The following PPIL4 variants were observed in gnomAD, a reference collection of about 807,000 sequenced individuals.
PPIL4 encodes the protein peptidyl-prolyl cis-trans isomerase-like 4.
In PPIL4, 50 loss-of-function variants were observed where a neutral mutation model predicts 69.1. The ratio of observed to expected loss-of-function variants is 0.72; its 90% CI spans 0.58 to 0.92. The LOEUF is 0.92. PPIL4 is among the 40% of genes least tolerant of loss of function. PPIL4 has a pLI of 0.00. For synonymous variants in PPIL4, 193 were observed against 191.6 expected, an observed-to-expected ratio of 1.01 and a Z score of -0.06; for missense variants, 480 against 587.9, an observed-to-expected ratio of 0.82 and a Z score of 1.90.
rs912839062 is a variant in PPIL4 at position 149,517,543 on chromosome 6, T to C, written c.983-93A>G. On this transcript the variant is annotated intron_variant, in intron 10 of 12. Transcript: ENST00000253329. The stretch of plus-strand genomic sequence containing the variant: ...TATAAAAAGCATAAGAGCTATTTTA[T>C]AAATGGCATATATCGAGAGACAGAG... The C allele has an allele frequency of 1.8e-4, 107 of 588,232 alleles. No individual in the cohort carries two copies. In the African/African-American group the frequency reaches 1.8e-3, roughly 10 times the overall value. The allele number at this position is 588,232 out of a possible 1,614,324, so 36.4% of individuals were successfully genotyped here. A position where few individuals can be genotyped will look rare whatever the true frequency, so the allele number is the denominator to read the frequency against.
Position 149,526,706 on chromosome 6 carries a change from A to ACTTACACAT in PPIL4, c.748_749insATGTGTAAG (p.Pro249_Val250insAspValTer). On this transcript the variant is annotated stop_gained, in exon 8 of 13. Transcript: ENST00000253329. LOFTEE classifies it high-confidence loss of function. Reference sequence around the variant, plus strand: ...TATTTCCAGATCCTCATCTGTGGTCACTGGGTTCAATTTACACACAAACAG... The same window carrying ACTTACACAT: ...TATTTCCAGATCCTCATCTGTGGTCACTTACACATCTGGGTTCAATTTACACACAAACAG... The ACTTACACAT allele has an allele frequency of 1.2e-6, 2 of 1,612,042 alleles. No individual in the cohort carries two copies. The highest frequency in any genetic ancestry group is 1.7e-6 in the Non-Finnish European group (2 of 1,178,320).
intron 7 of PPIL4, among the ~76,000 whole-genome samples, chr6:149,529,473 TAA>T (rs1056040257): frequency 1.3e-5 from 2 of 149,858 alleles, no homozygotes; most frequent in Non-Finnish European, 3.0e-5. Context: ...TAAAAAAAAT[TAA>T]AAAAAGGGCC....
chr6:149,533,320 G>A (rs1777226552), intron 7 of PPIL4, 138 bp downstream of exon 7: 4 of 585,842 alleles, frequency 6.8e-6, no homozygotes, highest in African/African-American at 1.9e-5. Flanking sequence ...TTATTACTAT[G>A]CCATACCAAA....
At chr6:149,515,909 C>G (rs986714968) in intron 11 of PPIL4, among the ~76,000 whole-genome samples, 1 of 152,098 alleles carries the variant, frequency 6.6e-6, no homozygotes, top group Admixed American at 6.6e-5. Context: ...ATAATCTATA[C>G]TTTCACTAAT....
At chr6:149,540,343 G>A (rs778651935) in intron 4 of PPIL4, among the ~76,000 whole-genome samples, 4 of 151,332 alleles carry the variant, frequency 2.6e-5, no homozygotes, top group Non-Finnish European at 4.4e-5. Flanking sequence ...ACGGCCAGGC[G>A]CGGTGGCTCA....
At chr6:149,533,047 G>A (rs1335128547) in intron 7 of PPIL4, among the ~76,000 whole-genome samples, 1 of 152,188 alleles carries the variant, frequency 6.6e-6, no homozygotes, top group Non-Finnish European at 1.5e-5. Flanking sequence ...CAGAGAAGCA[G>A]TATATTTTAG....
intron 12 of PPIL4, 140 bp downstream of exon 12, chr6:149,512,015 T>C (rs948223779): frequency 1.0e-5 from 6 of 590,898 alleles, no homozygotes; most frequent in South Asian, 1.0e-4. Flanking sequence ...CATACCCCAG[T>C]GCAACCATTC....
At chr6:149,532,181 G>A (rs754595352) in intron 7 of PPIL4, among the ~76,000 whole-genome samples, 2 of 152,212 alleles carry the variant, frequency 1.3e-5, no homozygotes, top group East Asian at 3.8e-4. Flanking sequence ...GAGAAAAAGA[G>A]AGAATCATAA....
intron 7 of PPIL4, among the ~76,000 whole-genome samples, chr6:149,529,882 G>A (rs564172432): frequency 6.6e-6 from 1 of 152,112 alleles, no homozygotes; most frequent in South Asian, 2.1e-4. Context: ...CTAAGTGAAA[G>A]AAGACAGTCT....
In PPIL4 at chr6:149,505,045, A is replaced by G. The variant is rs1231769608; in HGVS notation, c.*408T>C. The G allele has an allele frequency of 6.5e-6, 1 of 154,160 alleles. No individual in the cohort carries two copies. The highest frequency in any genetic ancestry group is 2.4e-5 in the African/African-American group (1 of 41,504). 9.5% of individuals were successfully genotyped at this position (154,160 alleles called of 1,614,324 possible). A position where few individuals can be genotyped will look rare whatever the true frequency, so the allele number is the denominator to read the frequency against. ...GACAAACACAAAATTCCAAATAATT[A>G]TTTGAGAGGGAGAGGGCCTTAGGGA... On this transcript the variant is annotated 3_prime_UTR_variant, in exon 13 of 13. Coordinates refer to ENST00000253329, the MANE Select transcript of PPIL4 (RefSeq NM_139126.4).
intron 7 of PPIL4, among the ~76,000 whole-genome samples, chr6:149,532,345 G>A (rs1252345824): frequency 6.6e-6 from 1 of 152,156 alleles, no homozygotes; most frequent in African/African-American, 2.4e-5. Context: ...CTTCCAAAGT[G>A]TTGCTGTGGA....
At chr6:149,516,515 A>C (rs1388814776) in intron 11 of PPIL4, among the ~76,000 whole-genome samples, 1 of 152,226 alleles carries the variant, frequency 6.6e-6, no homozygotes, top group Non-Finnish European at 1.5e-5. Flanking sequence ...GAAACTAGGA[A>C]ACAAAGACAC....
chr6:149,522,072 C>T (rs1418909232), intron 9 of PPIL4, among the ~76,000 whole-genome samples: 1 of 152,120 alleles, frequency 6.6e-6, no homozygotes, highest in Non-Finnish European at 1.5e-5. Flanking sequence ...ATAGACAAAG[C>T]TTGATTCGTC....
At chr6:149,538,641 TAAG>T (rs1176400796) in intron 4 of PPIL4, among the ~76,000 whole-genome samples, 2 of 152,136 alleles carry the variant, frequency 1.3e-5, no homozygotes, top group African/African-American at 2.4e-5. Flanking sequence ...TAACAGAAGT[TAAG>T]AAGAAGTAGA....
Position 149,517,370 on chromosome 6 carries a change from C to A in PPIL4, c.1063G>T (p.Val355Leu), listed in dbSNP as rs1299166477. The A allele has an allele frequency of 2.2e-5, 35 of 1,593,260 alleles. No individual in the cohort carries two copies. The highest frequency in any genetic ancestry group is 3.0e-5 in the Non-Finnish European group (35 of 1,161,920). The change falls in exon 11 of 13, where the codon GTA becomes TTA. Residue 355 changes from valine (V) to leucine (L), a missense_variant. Physicochemically the swap from Val to Leu is conservative, Grantham distance 32. Coordinates refer to ENST00000253329, the MANE Select transcript of PPIL4 (RefSeq NM_139126.4). ...KPPNLVLKDK[V>L]KPKQDTKYDL... ...TAAGGATACTCCTGTTTGGGCTTTA[C>A]TTTATCTTTCAGAACCAAATTAGGT...
chr6:149,526,547 C>A (rs1242153116), intron 8 of PPIL4, 105 bp downstream of exon 8: 1 of 1,092,102 alleles, frequency 9.2e-7, no homozygotes, highest in South Asian at 1.5e-5. Flanking sequence ...TTCACCAGTA[C>A]AAAATTCGCC....
chr6:149,537,730 A>T (rs1032464980), intron 4 of PPIL4, among the ~76,000 whole-genome samples: 5 of 152,156 alleles, frequency 3.3e-5, no homozygotes, highest in Non-Finnish European at 4.4e-5. Context: ...AATGATGCTA[A>T]ATCTATTCTG....
At chr6:149,525,785 G>A (rs1439964047) in intron 8 of PPIL4, among the ~76,000 whole-genome samples, 2 of 152,142 alleles carry the variant, frequency 1.3e-5, no homozygotes, top group East Asian at 3.9e-4. Flanking sequence ...TGCCCCAAGT[G>A]TCATAAGTCT....
intron 7 of PPIL4, among the ~76,000 whole-genome samples, 159 bp downstream of exon 7, chr6:149,533,299 G>C (rs772501046): frequency 5.9e-5 from 9 of 152,124 alleles, no homozygotes; most frequent in Non-Finnish European, 1.3e-4. Context: ...TATTTTCACA[G>C]TAGAGCCAAT....
Sources: gnomAD v4.1 joint callset for allele counts (sites outside exome capture counted in the v4.1 genomes callset) on GRCh38, gnomAD v4.1.1 for gene constraint, MANE v1.5 for transcripts, NCBI Gene and HGNC (gene_info 2026-07-23, HGNC 2026-07-21) for gene names.